Variants in TMEM131 observed in about 807,000 individuals in gnomAD.
TMEM131 encodes the protein 2610524E03Rik.
In TMEM131, 66 loss-of-function variants were observed where a neutral mutation model predicts 211.6. The ratio of observed to expected loss-of-function variants is 0.31; its 90% CI spans 0.26 to 0.38. TMEM131 has a LOEUF of 0.38. Among genes scored for constraint, TMEM131 ranks in the 10% least tolerant of loss-of-function variants. The probability of loss-of-function intolerance (pLI) is 1.00; values close to 1 mark genes in which losing one functional copy is unlikely to be tolerated. For synonymous variants in TMEM131, 844 were observed against 841.3 expected, an observed-to-expected ratio of 1.00 and a Z score of -0.06; for missense variants, 2,036 against 2,299.3, an observed-to-expected ratio of 0.89 and a Z score of 2.34.
rs1402474684 is a variant in TMEM131, at chr2:97,818,643, AT to A, written c.1152del (p.Lys384AsnfsTer25). 1 of 1,606,944 alleles carries A rather than the reference AT, an allele frequency of 6.2e-7. No homozygotes were observed. The highest frequency in any genetic ancestry group is 8.5e-7 in the Non-Finnish European group (1 of 1,175,696). On this transcript the variant is annotated frameshift_variant, in exon 12 of 41. Coordinates refer to ENST00000186436, the MANE Select transcript of TMEM131 (RefSeq NM_015348.2). LOFTEE classifies it high-confidence loss of function. ...KPITLKASES[K>X]YTKVASISFD... is the part of the protein sequence containing the mutation. ...AAACTAATGCTTGCAACCTTGGTGT[AT>A]TTACTTTCTGATGCTTTTAATGTAA...
At chr2:97,868,266 C>A (rs1416447678) in intron 4 of TMEM131, among the ~76,000 whole-genome samples, 1 of 152,058 alleles carries the variant, frequency 6.6e-6, no homozygotes, top group African/African-American at 2.4e-5. Flanking sequence ...ATGGTAATAT[C>A]TTTTCCATCC....
At chr2:97,820,951 C>T (rs11123924) in intron 11 of TMEM131, among the ~76,000 whole-genome samples, 114,048 of 151,830 alleles carry the variant, frequency 0.75, 44,516 homozygotes, top group African/African-American at 0.87. Context: ...TGCTTTTTTT[C>T]CCCCCACAAA....
chr2:97,986,306 G>A lies in TMEM131; in HGVS notation c.187+9170C>T, dbSNP rs149167126. Among the ~76,000 whole-genome samples the A allele has an allele frequency of 6.2e-3, 946 of 152,250 alleles. 13 individuals carry two copies. Among genetic ancestry groups the A allele is most frequent in the African/African-American group, 0.02 (826 of 41,552 alleles). On this transcript the variant is annotated intron_variant, in intron 1 of 40. Coordinates refer to ENST00000186436, the MANE Select transcript of TMEM131 (RefSeq NM_015348.2). ...TTGCCTTTGAAGAAAACTATTGGCA[G>A]TATCTATTTTTTTAAATGGGGAATA...
chr2:97,803,996 C>T (rs895225945), intron 22 of TMEM131, among the ~76,000 whole-genome samples: 16 of 152,150 alleles, frequency 1.1e-4, no homozygotes, highest in Admixed American at 4.6e-4. Context: ...AGTAAACATT[C>T]GACTTTCTTT....
chr2:97,843,593 G>T (rs1276739730), intron 6 of TMEM131, among the ~76,000 whole-genome samples: 2 of 152,114 alleles, frequency 1.3e-5, no homozygotes, highest in Non-Finnish European at 2.9e-5. Context: ...TCCCACCTTG[G>T]CCTCCCAAAG....
intron 1 of TMEM131, among the ~76,000 whole-genome samples, chr2:97,929,087 G>T (rs1413630983): frequency 6.6e-6 from 1 of 151,480 alleles, no homozygotes; most frequent in Admixed American, 6.6e-5. Context: ...AAGAAACCAG[G>T]GCTTCCTGGA....
intron 2 of TMEM131, among the ~76,000 whole-genome samples, chr2:97,913,532 A>G (rs1414346998): frequency 2.0e-5 from 3 of 152,230 alleles, no homozygotes; most frequent in Non-Finnish European, 4.4e-5. Flanking sequence ...TACTGCATTC[A>G]TACAATAACC....
rs36079497 is a variant in TMEM131, at chr2:97,949,641, G to C, written c.188-22154C>G. On this transcript the variant is annotated intron_variant, in intron 1 of 40. Coordinates refer to ENST00000186436, the MANE Select transcript of TMEM131 (RefSeq NM_015348.2). Reference sequence around the variant, plus strand: ...ATCCTGGCTAACATGGTGAAACCTCGTCTCTACTGAAAAAAAAAATACAAA... The same window carrying C: ...ATCCTGGCTAACATGGTGAAACCTCCTCTCTACTGAAAAAAAAAATACAAA... 4.6e-5 allele frequency among the ~76,000 whole-genome samples: 7 copies of C among 150,758 alleles called. No homozygotes were observed. The East Asian group carries it at 1.2e-3, about 25-fold the overall frequency.
At chr2:97,843,791 A>G (rs1186011572) in intron 6 of TMEM131, among the ~76,000 whole-genome samples, 1 of 152,224 alleles carries the variant, frequency 6.6e-6, no homozygotes, top group Non-Finnish European at 1.5e-5. Flanking sequence ...AATACCTACT[A>G]AAGGAAAGTA....
At chr2:97,951,489 A>C (rs887515261) in intron 1 of TMEM131, among the ~76,000 whole-genome samples, 6 of 152,062 alleles carry the variant, frequency 3.9e-5, no homozygotes, top group African/African-American at 4.8e-5. Flanking sequence ...TTCTCACTCT[A>C]TCTCTGCTGG....
chr2:97,880,496 G>A (rs1039574007), intron 4 of TMEM131, among the ~76,000 whole-genome samples: 1 of 152,170 alleles, frequency 6.6e-6, no homozygotes, highest in Admixed American at 6.5e-5. Flanking sequence ...GTGAGGATTA[G>A]AGCAGAACAG....
intron 4 of TMEM131, among the ~76,000 whole-genome samples, chr2:97,867,544 T>A (rs1311082567): frequency 1.3e-5 from 2 of 152,100 alleles, no homozygotes; most frequent in Non-Finnish European, 2.9e-5. Flanking sequence ...GGGGAAGGGG[T>A]GGTAGACCCT....
At chr2:97,803,821 C>T (rs944841372) in intron 22 of TMEM131, among the ~76,000 whole-genome samples, 2 of 152,138 alleles carry the variant, frequency 1.3e-5, no homozygotes, top group African/African-American at 4.8e-5. Flanking sequence ...TAGGACAACA[C>T]TGTAAGTTAT....
chr2:97,901,318 C>A (rs929968543), intron 3 of TMEM131, among the ~76,000 whole-genome samples: 1 of 152,104 alleles, frequency 6.6e-6, no homozygotes, highest in African/African-American at 2.4e-5. Context: ...ATTTCCTCTA[C>A]GTTTTCTTCA....
chr2:97,865,352 T>A (rs951969074), intron 4 of TMEM131, among the ~76,000 whole-genome samples: 1 of 152,236 alleles, frequency 6.6e-6, no homozygotes. Flanking sequence ...GATCTCCTTG[T>A]GTTGTTCTTG....
chr2:97,943,040 A>AGAAAAGAAAGAAAGAAAGAAG (rs1677848985), intron 1 of TMEM131, among the ~76,000 whole-genome samples: 1 of 45,174 alleles, frequency 2.2e-5, no homozygotes, highest in South Asian at 4.3e-4. Context: ...AGAAAAGAAA[A>AGAAAAGAAAGAAAGAAAGAAG]GAAAGAAAGA....
chr2:97,794,300 T>C (rs1680656598), intron 29 of TMEM131, among the ~76,000 whole-genome samples: 2 of 152,088 alleles, frequency 1.3e-5, no homozygotes, highest in African/African-American at 2.4e-5. Flanking sequence ...CCTCCCAAAG[T>C]GCTGGGAATA....
At chr2:97,872,729 G>C (rs1400718904) in intron 4 of TMEM131, among the ~76,000 whole-genome samples, 1 of 152,220 alleles carries the variant, frequency 6.6e-6, no homozygotes, top group Non-Finnish European at 1.5e-5. Context: ...TTGTCCCATG[G>C]TCTCTGCAAG....
chr2:97,945,975 C>T (rs990990715), intron 1 of TMEM131, among the ~76,000 whole-genome samples: 8 of 152,092 alleles, frequency 5.3e-5, no homozygotes, highest in African/African-American at 1.7e-4. Flanking sequence ...CAAGAACATG[C>T]TGCTGACATG....
Sources: gnomAD v4.1 joint callset for allele counts (sites outside exome capture counted in the v4.1 genomes callset) on GRCh38, gnomAD v4.1.1 for gene constraint, MANE v1.5 for transcripts, NCBI Gene and HGNC (gene_info 2026-07-23, HGNC 2026-07-21) for gene names.